GRID2: variants seen among roughly 807,000 people sequenced by gnomAD.
GRID2 encodes glutamate ionotropic receptor delta type subunit 2.
A neutral mutation model predicts 114.8 loss-of-function variants in GRID2; 33 were observed. The ratio of observed to expected loss-of-function variants is 0.29; its 90% confidence interval spans 0.22 to 0.38. GRID2 has a LOEUF of 0.38. Ranked by LOEUF, GRID2 falls within the 10% of genes least tolerant of loss-of-function variation. The pLI, the probability that GRID2 is intolerant of heterozygous loss-of-function variation, is 1.00. For missense variants in GRID2, 1,184 were observed against 1,257.7 expected, an observed-to-expected ratio of 0.94 and a Z score of 0.89; for synonymous variants, 505 against 449.9, an observed-to-expected ratio of 1.12 and a Z score of -1.55.
chr4:93,401,258 A>G (rs1298495251), intron 9 of GRID2, among the ~76,000 whole-genome samples: 3 of 152,100 alleles, frequency 2.0e-5, no homozygotes, highest in African/African-American at 4.8e-5. Context: ...CAATATATAA[A>G]TTGAATTCAT....
intron 2 of GRID2, among the ~76,000 whole-genome samples, chr4:92,898,569 CA>C (rs1414137721): frequency 5.3e-5 from 8 of 152,082 alleles, no homozygotes; most frequent in Non-Finnish European, 7.4e-5. Flanking sequence ...TGCTTTGCAT[CA>C]GGGGAAAAGG....
chr4:93,164,417 A>C (rs902500190), intron 4 of GRID2, among the ~76,000 whole-genome samples: 3 of 152,108 alleles, frequency 2.0e-5, no homozygotes, highest in Non-Finnish European at 4.4e-5. Flanking sequence ...TAAACTCAGA[A>C]TATAACAAGG....
At chr4:93,720,894 G>T (rs938553214) in intron 14 of GRID2, among the ~76,000 whole-genome samples, 2 of 151,914 alleles carry the variant, frequency 1.3e-5, no homozygotes, top group Non-Finnish European at 1.5e-5. Context: ...CAACATATTC[G>T]TTGTTGTTGT....
intron 2 of GRID2, among the ~76,000 whole-genome samples, chr4:92,607,280 A>T (rs919583524): frequency 6.6e-6 from 1 of 152,050 alleles, no homozygotes. Context: ...ACGAATGTTA[A>T]TGCTGAAGTT....
intron 1 of GRID2, among the ~76,000 whole-genome samples, chr4:92,484,668 A>T (rs552489141): frequency 6.6e-6 from 1 of 152,256 alleles, no homozygotes; most frequent in Middle Eastern, 3.4e-3. Flanking sequence ...GAATAAGTTA[A>T]TGGAGAGATT....
At chr4:93,300,046 T>C (rs903642615) in intron 8 of GRID2, among the ~76,000 whole-genome samples, 27 of 152,302 alleles carry the variant, frequency 1.8e-4, no homozygotes, top group African/African-American at 5.8e-4. Context: ...CTTTAAATCA[T>C]CTCTAAATTA....
At chr4:92,607,304 GTCT>G (rs1729507485) in intron 2 of GRID2, among the ~76,000 whole-genome samples, 4 of 152,040 alleles carry the variant, frequency 2.6e-5, no homozygotes, top group Middle Eastern at 6.8e-3. Flanking sequence ...TATTTAAAAT[GTCT>G]TCTTTTAAGC....
chr4:93,542,979 A>G (rs1732803765), intron 13 of GRID2, among the ~76,000 whole-genome samples: 1 of 152,092 alleles, frequency 6.6e-6, no homozygotes, highest in African/African-American at 2.4e-5. Flanking sequence ...CAAGCCAACA[A>G]TTTTAAGGGG....
chr4:93,356,989 T>G (rs1761398006), intron 8 of GRID2, among the ~76,000 whole-genome samples: 1 of 151,768 alleles, frequency 6.6e-6, no homozygotes, highest in Admixed American at 6.6e-5. Flanking sequence ...ATTTTTTCAC[T>G]AATGAAAATA....
intron 2 of GRID2, among the ~76,000 whole-genome samples, chr4:92,601,497 A>G (rs1301580203): frequency 6.6e-6 from 1 of 152,202 alleles, no homozygotes; most frequent in African/African-American, 2.4e-5. Flanking sequence ...GAACAAAGAG[A>G]AAACATACCA....
chr4:92,921,533 A>T (rs1365414036), intron 2 of GRID2, among the ~76,000 whole-genome samples: 3 of 152,114 alleles, frequency 2.0e-5, no homozygotes, highest in African/African-American at 7.2e-5. Flanking sequence ...TTGGTGTGGA[A>T]GTCCTTTCTG....
At chr4:93,559,307 G>T (rs1467189418) in intron 13 of GRID2, among the ~76,000 whole-genome samples, 2 of 152,126 alleles carry the variant, frequency 1.3e-5, no homozygotes, top group African/African-American at 4.8e-5. Context: ...GCAACCTACA[G>T]AATGGGAGAA....
At chr4:92,678,603 A>G (rs1733498819) in intron 2 of GRID2, among the ~76,000 whole-genome samples, 1 of 151,916 alleles carries the variant, frequency 6.6e-6, no homozygotes, top group Non-Finnish European at 1.5e-5. Flanking sequence ...GCAAGATCCC[A>G]TGTAGTTGGT....
chr4:93,068,255 G>A (rs1030534893), intron 2 of GRID2, among the ~76,000 whole-genome samples: 1 of 151,994 alleles, frequency 6.6e-6, no homozygotes, highest in South Asian at 2.1e-4. Context: ...TCTGATACAT[G>A]TTTTAATTTG....
At chr4:93,229,080 T>C (rs1256576557) in intron 7 of GRID2, among the ~76,000 whole-genome samples, 1 of 152,152 alleles carries the variant, frequency 6.6e-6, no homozygotes, top group Non-Finnish European at 1.5e-5. Context: ...GAAACTCAGT[T>C]TGAATAATGT....
chr4:93,354,794 A>C (rs1028619661), intron 8 of GRID2, among the ~76,000 whole-genome samples: 5 of 120,738 alleles, frequency 4.1e-5, no homozygotes, highest in African/African-American at 1.7e-4. Context: ...ATGAAGATTT[A>C]TATATATATT....
At chr4:92,785,458 A>G (rs17019901) in intron 2 of GRID2, among the ~76,000 whole-genome samples, 5,163 of 151,488 alleles carry the variant, frequency 0.034, 144 homozygotes, top group East Asian at 0.12. Context: ...CGTTTTTGAG[A>G]AATGAGGAGA....
intron 8 of GRID2, among the ~76,000 whole-genome samples, chr4:93,372,411 A>G (rs1391237032): frequency 1.3e-5 from 2 of 152,070 alleles, no homozygotes; most frequent in African/African-American, 4.8e-5. Flanking sequence ...ACTCTATTCA[A>G]TTTCCCTGAC....
chr4:93,541,414 G>A (rs1433192204), intron 13 of GRID2, among the ~76,000 whole-genome samples: 1 of 152,122 alleles, frequency 6.6e-6, no homozygotes, highest in African/African-American at 2.4e-5. Flanking sequence ...CATGGAGAGA[G>A]TGAGAGTTAA....
Sources: gnomAD v4.1 joint callset for allele counts (sites outside exome capture counted in the v4.1 genomes callset) on GRCh38, gnomAD v4.1.1 for gene constraint, MANE v1.5 for transcripts, NCBI Gene and HGNC (gene_info 2026-07-23, HGNC 2026-07-21) for gene names.